The following ATL2 variants were observed in gnomAD, a reference collection of about 807,000 sequenced individuals.
ATL2 encodes the protein atlastin GTPase 2.
Under a neutral mutation model 73.9 loss-of-function variants are expected in ATL2, and 31 were observed. That is an observed-to-expected ratio of 0.42 (90% CI 0.32 to 0.57). The LOEUF (loss-of-function observed/expected upper bound fraction) is 0.57. Ranked by LOEUF, ATL2 falls within the 20% of genes least tolerant of loss-of-function variation. The pLI is 0.14. For synonymous variants in ATL2, 291 were observed against 237.5 expected, an observed-to-expected ratio of 1.23 and a Z score of -2.07; for missense variants, 738 against 702.6, an observed-to-expected ratio of 1.05 and a Z score of -0.57.
At chr2:38,370,865 G>T (rs1470076636) in intron 1 of ATL2, among the ~76,000 whole-genome samples, 1 of 152,004 alleles carries the variant, frequency 6.6e-6, no homozygotes, top group East Asian at 1.9e-4. Flanking sequence ...GAAATGGCGG[G>T]GGTGGGGGGT....
rs1178409980 is a variant in ATL2, at chr2:38,298,373, A to G, written c.1403T>C (p.Ile468Thr). 3.1e-6 allele frequency: 5 copies of G among 1,614,038 alleles called. No individual in the cohort carries two copies. Among genetic ancestry groups the G allele is most frequent in the African/African-American group, 1.3e-5 (1 of 74,934 alleles). The change falls in exon 12 of 13, where the codon ATC becomes ACC. Residue 468 changes from isoleucine to threonine, a missense_variant. Coordinates refer to ENST00000378954, the MANE Select transcript of ATL2 (RefSeq NM_001135673.4). Reference protein sequence around the residue: ...NFIKHNDGKNIFYAARTPATL... With the variant: ...NFIKHNDGKNTFYAARTPATL... ...GGCTGGGGTACGAGCAGCATAGAAG[A>G]TATTTTTGCCATCATTGTGCTTTAT...
intron 1 of ATL2, among the ~76,000 whole-genome samples, chr2:38,362,223 A>C (rs1184733856): frequency 6.6e-6 from 1 of 152,248 alleles, no homozygotes; most frequent in Non-Finnish European, 1.5e-5. Context: ...AGCTCCCTAA[A>C]GTTCCAGATT....
At chr2:38,323,419 C>T (rs532698244) in intron 2 of ATL2, among the ~76,000 whole-genome samples, 12 of 119,026 alleles carry the variant, frequency 1.0e-4, no homozygotes, top group African/African-American at 3.3e-4. Context: ...CGGTCTTGAA[C>T]TCTTGAGCTC....
chr2:38,377,060 G>C (rs1488017254), intron 1 of ATL2, 83 bp downstream of exon 1: 2 of 1,350,568 alleles, frequency 1.5e-6, no homozygotes, highest in Middle Eastern at 2.6e-4. Flanking sequence ...CGACCCCGCC[G>C]CCTGCGGCCG....
chr2:38,335,582 G>A (rs1669303763), intron 2 of ATL2, among the ~76,000 whole-genome samples: 1 of 152,132 alleles, frequency 6.6e-6, no homozygotes, highest in African/African-American at 2.4e-5. Flanking sequence ...GCCCTTGAGA[G>A]CCGGAGATAG....
chr2:38,322,857 T>C (rs761616431), intron 2 of ATL2, among the ~76,000 whole-genome samples: 1 of 152,128 alleles, frequency 6.6e-6, no homozygotes, highest in Non-Finnish European at 1.5e-5. Flanking sequence ...CCAGCCTGGA[T>C]GACAGAGTGA....
chr2:38,325,900 TTTG>T (rs1260612309), intron 2 of ATL2, among the ~76,000 whole-genome samples: 702 of 58,018 alleles, frequency 0.012, 4 homozygotes, highest in African/African-American at 0.05. Flanking sequence ...TGTTTGTTTG[TTTG>T]TTTAAAAAAA....
chr2:38,331,732 A>G (rs894981779), intron 2 of ATL2, among the ~76,000 whole-genome samples: 7 of 152,180 alleles, frequency 4.6e-5, no homozygotes, highest in African/African-American at 1.4e-4. Context: ...AGAGCATTCA[A>G]TAGTGGAAGT....
intron 1 of ATL2, among the ~76,000 whole-genome samples, chr2:38,365,150 CACACACACACACACAAAT>C (rs1229101664): frequency 5.4e-5 from 8 of 148,722 alleles, no homozygotes; most frequent in African/African-American, 1.3e-4. Context: ...CACACACACA[CACACACACACACACAAAT>C]ACACACACAC....
intron 5 of ATL2, 101 bp downstream of exon 5, chr2:38,315,183 G>T: frequency 8.5e-7 from 1 of 1,177,228 alleles, no homozygotes; most frequent in Non-Finnish European, 1.1e-6. Context: ...CTTGGGAGGG[G>T]GAGGTTGCAG....
chr2:38,311,318 G>A (rs1667745955), intron 7 of ATL2, among the ~76,000 whole-genome samples: 1 of 151,768 alleles, frequency 6.6e-6, no homozygotes, highest in Admixed American at 6.6e-5. Context: ...GTATTAGGGG[G>A]AAAAAAATCT....
intron 2 of ATL2, among the ~76,000 whole-genome samples, chr2:38,322,455 C>G (rs946641191): frequency 2.6e-5 from 4 of 152,044 alleles, no homozygotes; most frequent in African/African-American, 9.7e-5. Context: ...CAATGTACTC[C>G]CTTTTGAGCA....
rs1667625616 is a variant in ATL2, at chr2:38,309,442, A to G, written c.1008T>C (p.Asn336=). The change falls in exon 9 of 13, where the codon AAT becomes AAC. Residue 336 remains asparagine (N), a synonymous_variant. Coordinates refer to ENST00000378954, the MANE Select transcript of ATL2 (RefSeq NM_001135673.4). ...ATCCACTTATCTCTTTTTCTACCAAATTTTCAGGGGCAAGCAGCAATGGAA... is the reference window on the plus strand; with the variant it reads ...ATCCACTTATCTCTTTTTCTACCAAGTTTTCAGGGGCAAGCAGCAATGGAA... ...NLVPLLLAPE[N]LVEKEISGSK... 6.2e-7 allele frequency: 1 copy of G among 1,612,702 alleles called. No homozygotes were observed. Among genetic ancestry groups the G allele is most frequent in the Non-Finnish European group, 8.5e-7 (1 of 1,179,676 alleles).
At chr2:38,337,486 C>CAAAAAAAAA (rs755029194) in intron 2 of ATL2, among the ~76,000 whole-genome samples, 318 of 21,682 alleles carry the variant, frequency 0.015, 66 homozygotes, top group Non-Finnish European at 0.022. Context: ...ACTCTGTCTC[C>CAAAAAAAAA]AAAAAAAAAA....
At chr2:38,333,134 A>T (rs1669099520) in intron 2 of ATL2, among the ~76,000 whole-genome samples, 1 of 152,178 alleles carries the variant, frequency 6.6e-6, no homozygotes, top group South Asian at 2.1e-4. Flanking sequence ...AAGCCAAAAC[A>T]GGAGGACTGC....
chr2:38,334,218 C>T (rs939996554), intron 2 of ATL2, among the ~76,000 whole-genome samples: 2 of 151,410 alleles, frequency 1.3e-5, no homozygotes, highest in Non-Finnish European at 2.9e-5. Flanking sequence ...TTGGTAGAGA[C>T]GGTGTTTCAC....
At chr2:38,311,548 T>C (rs1044146571) in intron 7 of ATL2, among the ~76,000 whole-genome samples, 3 of 152,196 alleles carry the variant, frequency 2.0e-5, no homozygotes. Context: ...TTAAACTATA[T>C]GCAACATGGA....
At chr2:38,377,783 C>G (rs776306852), upstream of ATL2, among the ~76,000 whole-genome samples, 3 of 151,748 alleles carry the variant, frequency 2.0e-5, no homozygotes, top group Non-Finnish European at 4.4e-5. Context: ...CATCCACCCC[C>G]CAAGTTGTTG....
At chr2:38,296,560 G>A (rs770682788) in intron 12 of ATL2, 61 of 1,613,930 alleles carry the variant, frequency 3.8e-5, no homozygotes, top group East Asian at 2.2e-4. Context: ...ACCATTCGAC[G>A]TCTAGTAACT....
Sources: allele counts gnomAD v4.1 joint callset (sites outside exome capture counted in the v4.1 genomes callset), GRCh38; gene constraint gnomAD v4.1.1; transcripts MANE v1.5; gene names NCBI Gene and HGNC (gene_info 2026-07-23, HGNC 2026-07-21).